AFF3: variants seen among roughly 807,000 people sequenced by gnomAD.
AFF3 encodes the protein ALF transcription elongation factor 3.
AFF3 carries 32 observed loss-of-function variants against 129.7 expected under a neutral mutation model. The observed-to-expected ratio is 0.25, with a 90% confidence interval of 0.19 to 0.33. AFF3 has a LOEUF of 0.33. Ranked by LOEUF, AFF3 falls within the 10% of genes least tolerant of loss-of-function variation. The pLI is 1.00. For synonymous variants in AFF3, 644 were observed against 635.4 expected (o/e 1.01, Z -0.20); for missense variants, 1,373 against 1,592.0 (o/e 0.86, Z 2.34).
At chr2:99,865,092 G>T (rs1691281607) in intron 7 of AFF3, among the ~76,000 whole-genome samples, 1 of 152,238 alleles carries the variant, frequency 6.6e-6, no homozygotes, top group South Asian at 2.1e-4. Flanking sequence ...AAACTGCTGA[G>T]AACATGTGGT....
intron 8 of AFF3, among the ~76,000 whole-genome samples, chr2:99,836,836 GA>G (rs1249625081): frequency 1.3e-5 from 2 of 151,738 alleles, no homozygotes; most frequent in African/African-American, 4.8e-5. Flanking sequence ...TATGAGTGAA[GA>G]AAAAATATGG....
At chr2:99,736,884 A>C (rs1005659489) in intron 10 of AFF3, among the ~76,000 whole-genome samples, 4 of 152,184 alleles carry the variant, frequency 2.6e-5, no homozygotes, top group African/African-American at 9.7e-5. Flanking sequence ...TGCTGGGATT[A>C]CAGGCGTGAG....
chr2:99,604,931 G>A (rs574037687), intron 13 of AFF3, among the ~76,000 whole-genome samples: 33 of 152,348 alleles, frequency 2.2e-4, no homozygotes, highest in African/African-American at 7.5e-4. Context: ...TGCGATGCTG[G>A]TTCTGTGTGC....
intron 7 of AFF3, among the ~76,000 whole-genome samples, chr2:99,887,089 C>T (rs886898835): frequency 6.6e-6 from 1 of 152,178 alleles, no homozygotes; most frequent in Non-Finnish European, 1.5e-5. Flanking sequence ...AATGGTTCTG[C>T]CCTCTGTTGG....
chr2:100,127,866 G>A (rs1314921859), intron 2 of AFF3, among the ~76,000 whole-genome samples: 1 of 152,124 alleles, frequency 6.6e-6, no homozygotes, highest in Non-Finnish European at 1.5e-5. Context: ...AAATCTACTG[G>A]GCTGCATTCC....
intron 7 of AFF3, among the ~76,000 whole-genome samples, chr2:99,959,570 A>G (rs1677020396): frequency 6.6e-6 from 1 of 151,566 alleles, no homozygotes; most frequent in Non-Finnish European, 1.5e-5. Flanking sequence ...AAAATGAAGC[A>G]TAAAAAAAAT....
intron 7 of AFF3, among the ~76,000 whole-genome samples, chr2:99,889,866 G>A (rs928106638): frequency 6.6e-6 from 1 of 152,066 alleles, no homozygotes; most frequent in Non-Finnish European, 1.5e-5. Flanking sequence ...CTCCATGTTG[G>A]CCAGGCTGGT....
At chr2:99,937,443 A>T (rs1260798973) in intron 7 of AFF3, among the ~76,000 whole-genome samples, 15 of 152,150 alleles carry the variant, frequency 9.9e-5, no homozygotes, top group Admixed American at 9.8e-4. Context: ...TCTGTTGCCC[A>T]GGCTGGAGTG....
chr2:99,686,796 T>G (rs1575694139), intron 11 of AFF3, among the ~76,000 whole-genome samples: 1 of 152,190 alleles, frequency 6.6e-6, no homozygotes, highest in Non-Finnish European at 1.5e-5. Flanking sequence ...GATGGCCTGA[T>G]GGAAGCAGAG....
intron 7 of AFF3, among the ~76,000 whole-genome samples, chr2:99,893,120 A>C (rs1022352000): frequency 1.3e-5 from 2 of 152,152 alleles, no homozygotes; most frequent in Non-Finnish European, 2.9e-5. Context: ...CATGACCATT[A>C]ACAGCTTTGC....
At chr2:99,583,575 G>A (rs1677791752) in intron 16 of AFF3, among the ~76,000 whole-genome samples, 1 of 152,076 alleles carries the variant, frequency 6.6e-6, no homozygotes, top group South Asian at 2.1e-4. Context: ...GTAGAGATAG[G>A]GTTTCACCAT....
rs149373749 is a variant in AFF3, at chr2:100,040,675, T to A, written c.54-31743A>T. On this transcript the variant is annotated intron_variant, in intron 4 of 24. Coordinates refer to ENST00000672756, the MANE Select transcript of AFF3 (RefSeq NM_001386135.1). ...CAGGGCTCTGGCACACCTGCTTTGT[T>A]CCCCTGCTACCGACAGGCTTGCTAT... Among the ~76,000 whole-genome samples the A allele has an allele frequency of 3.8e-3, 574 of 152,294 alleles. 3 individuals carry two copies. The highest frequency in any genetic ancestry group is 6.5e-3 in the Non-Finnish European group (442 of 68,036).
At chr2:99,906,341 T>C (rs1694714051) in intron 7 of AFF3, among the ~76,000 whole-genome samples, 1 of 152,194 alleles carries the variant, frequency 6.6e-6, no homozygotes, top group Non-Finnish European at 1.5e-5. Flanking sequence ...GTGGCAGAGC[T>C]GGGCTTCAGA....
intron 7 of AFF3, among the ~76,000 whole-genome samples, chr2:99,852,990 G>T (rs891520292): frequency 2.0e-5 from 3 of 152,034 alleles, no homozygotes; most frequent in African/African-American, 7.3e-5. Context: ...TGAAAAGGTA[G>T]AGAAAAAAAC....
At chr2:99,987,910 G>A (rs1410572306) in intron 7 of AFF3, among the ~76,000 whole-genome samples, 3 of 152,216 alleles carry the variant, frequency 2.0e-5, no homozygotes, top group Admixed American at 2.0e-4. Context: ...ACTGCTCTGT[G>A]ATTTTTAAAG....
At chr2:99,729,946 A>G (rs1398126358) in intron 10 of AFF3, among the ~76,000 whole-genome samples, 3 of 152,146 alleles carry the variant, frequency 2.0e-5, no homozygotes, top group African/African-American at 7.2e-5. Flanking sequence ...CGGAAATACA[A>G]TTACAGAGAG....
chr2:99,941,877 C>T (rs1480685028), intron 7 of AFF3, among the ~76,000 whole-genome samples: 5 of 152,222 alleles, frequency 3.3e-5, no homozygotes, highest in Admixed American at 1.3e-4. Flanking sequence ...TCCACCCCTG[C>T]AGTGCCTACC....
Position 99,699,572 on chromosome 2 carries a change from C to T in AFF3, c.1092-26983G>A, listed in dbSNP as rs117836077. Reference sequence around the variant, plus strand: ...AACGTAACTTCTGGGAGAATTTAAACTGAGATTGAATTTGTATCTCAGACG... The same window carrying T: ...AACGTAACTTCTGGGAGAATTTAAATTGAGATTGAATTTGTATCTCAGACG... On this transcript the variant is annotated intron_variant, in intron 11 of 24. Coordinates refer to ENST00000672756, the MANE Select transcript of AFF3 (RefSeq NM_001386135.1). Among the ~76,000 whole-genome samples, 435 of 152,276 alleles carry T rather than the reference C, an allele frequency of 2.9e-3. 14 individuals carry two copies. The East Asian group carries it at 0.062, about 22-fold the overall frequency.
At chr2:99,760,051 A>G (rs1452681152) in intron 8 of AFF3, among the ~76,000 whole-genome samples, 1 of 152,216 alleles carries the variant, frequency 6.6e-6, no homozygotes, top group Non-Finnish European at 1.5e-5. Flanking sequence ...ACATACATAT[A>G]TAAAGAAACT....
Sources: gnomAD v4.1 joint callset for allele counts (sites outside exome capture counted in the v4.1 genomes callset) on GRCh38, gnomAD v4.1.1 for gene constraint, MANE v1.5 for transcripts, NCBI Gene and HGNC (gene_info 2026-07-23, HGNC 2026-07-21) for gene names.